The following PTPRT variants were observed in gnomAD, a reference collection of about 807,000 sequenced individuals.
PTPRT encodes the protein receptor-type tyrosine-protein phosphatase T.
A neutral mutation model predicts 176.8 loss-of-function variants in PTPRT; 56 were observed. That is an observed-to-expected ratio of 0.32 (90% CI 0.26 to 0.40). PTPRT has a LOEUF of 0.40. Ranked by LOEUF, PTPRT falls within the 10% of genes least tolerant of loss-of-function variation. PTPRT has a pLI of 1.00. For missense variants in PTPRT, 1,540 were observed against 1,908.2 expected (o/e 0.81, Z 3.60); for synonymous variants, 783 against 739.0 (o/e 1.06, Z -0.96).
chr20:42,713,126 TACATAC>T (rs923982429), intron 6 of PTPRT, among the ~76,000 whole-genome samples: 2 of 149,350 alleles, frequency 1.3e-5, no homozygotes. Flanking sequence ...TGGAAAGATA[TACATAC>T]ACATACACAC....
In PTPRT at chr20:42,904,582, G is replaced by C. The variant is rs543496996; in HGVS notation, c.89-18650C>G. On this transcript the variant is annotated intron_variant, in intron 1 of 30. Transcript: ENST00000373187. ...GAAAACAAGGTCTTGATACGGGAAG[G>C]GGGCAGGGAAGTGCTGGGAAGAGAA... Among the ~76,000 whole-genome samples the C allele has an allele frequency of 2.0e-5, 3 of 152,232 alleles. No individual in the cohort carries two copies. In the South Asian group the frequency reaches 6.2e-4, roughly 32 times the overall value.
intron 4 of PTPRT, among the ~76,000 whole-genome samples, chr20:42,778,908 T>C (rs979295921): frequency 2.6e-5 from 4 of 152,180 alleles, no homozygotes; most frequent in Non-Finnish European, 5.9e-5. Context: ...CCTCAGGAAG[T>C]AACCCAGAGG....
chr20:42,085,087 A>G (rs1983749950), intron 28 of PTPRT, among the ~76,000 whole-genome samples: 1 of 151,972 alleles, frequency 6.6e-6, no homozygotes, highest in Non-Finnish European at 1.5e-5. Flanking sequence ...TCAAAACCCA[A>G]TTTAAATGTC....
intron 1 of PTPRT, among the ~76,000 whole-genome samples, chr20:42,911,040 G>C (rs1193459359): frequency 6.6e-6 from 1 of 152,088 alleles, no homozygotes; most frequent in Non-Finnish European, 1.5e-5. Context: ...CAGCATGGGG[G>C]AAACTGCCCC....
intron 2 of PTPRT, among the ~76,000 whole-genome samples, chr20:42,794,986 A>T (rs948410815): frequency 6.6e-6 from 1 of 152,154 alleles, no homozygotes; most frequent in Non-Finnish European, 1.5e-5. Context: ...CAAGCGCGCC[A>T]CTAGAGATTG....
intron 7 of PTPRT, among the ~76,000 whole-genome samples, chr20:42,525,168 T>C (rs1042232266): frequency 6.6e-6 from 1 of 152,088 alleles, no homozygotes; most frequent in African/African-American, 2.4e-5. Flanking sequence ...TTTTTATTTT[T>C]GTAGAGAGGA....
intron 19 of PTPRT, among the ~76,000 whole-genome samples, chr20:42,127,853 T>C (rs1375143794): frequency 1.3e-5 from 2 of 152,236 alleles, no homozygotes; most frequent in Non-Finnish European, 2.9e-5. Flanking sequence ...TCCTTATTGG[T>C]TGTAGTTGTC....
At chr20:42,788,625 A>G (rs1173831324) in intron 3 of PTPRT, among the ~76,000 whole-genome samples, 1 of 152,152 alleles carries the variant, frequency 6.6e-6, no homozygotes, top group Admixed American at 6.5e-5. Context: ...TTGCCATTAT[A>G]TCTCATTATT....
At chr20:42,918,730 C>T (rs1452505211) in intron 1 of PTPRT, among the ~76,000 whole-genome samples, 1 of 152,134 alleles carries the variant, frequency 6.6e-6, no homozygotes, top group Non-Finnish European at 1.5e-5. Context: ...TTTGAGAGTT[C>T]AACCGTTTAT....
At chr20:42,325,192 C>T (rs1002431329) in intron 11 of PTPRT, among the ~76,000 whole-genome samples, 1 of 152,066 alleles carries the variant, frequency 6.6e-6, no homozygotes, top group Non-Finnish European at 1.5e-5. Flanking sequence ...CAGGGCAGTG[C>T]AAAGACTGAA....
At chr20:43,171,553 G>C (rs2015000919) in intron 1 of PTPRT, among the ~76,000 whole-genome samples, 1 of 152,162 alleles carries the variant, frequency 6.6e-6, no homozygotes, top group Admixed American at 6.5e-5. Context: ...GAGGAAAACT[G>C]ATCTCCAAAC....
At chr20:42,127,811 C>T (rs753968235) in intron 19 of PTPRT, among the ~76,000 whole-genome samples, 7 of 152,214 alleles carry the variant, frequency 4.6e-5, no homozygotes, top group Non-Finnish European at 8.8e-5. Flanking sequence ...GTCCCTTCCT[C>T]AGTCGTCTCT....
intron 7 of PTPRT, among the ~76,000 whole-genome samples, chr20:42,483,455 G>A (rs900616209): frequency 3.9e-5 from 6 of 152,200 alleles, no homozygotes; most frequent in East Asian, 1.9e-4. Context: ...ATGAGCCATC[G>A]TGTCCAGCCT....
chr20:42,172,598 C>T (rs1990126031), intron 16 of PTPRT, among the ~76,000 whole-genome samples: 1 of 152,192 alleles, frequency 6.6e-6, no homozygotes, highest in African/African-American at 2.4e-5. Flanking sequence ...ATAAACGGGT[C>T]TTAAATACCC....
At chr20:42,930,036 TG>T (rs1466381461) in intron 1 of PTPRT, among the ~76,000 whole-genome samples, 2 of 152,170 alleles carry the variant, frequency 1.3e-5, no homozygotes, top group African/African-American at 4.8e-5. Flanking sequence ...GCCATTCAAA[TG>T]CTTGGTTCCC....
rs548770612 is a variant in PTPRT at position 42,599,843 on chromosome 20, C to T, written c.1153+78023G>A. Among the ~76,000 whole-genome samples the T allele has an allele frequency of 8.4e-4, 128 of 152,290 alleles. 1 individual carries two copies. The highest frequency in any genetic ancestry group is 3.0e-3 in the African/African-American group (124 of 41,560). On this transcript the variant is annotated intron_variant, in intron 7 of 30. Transcript: ENST00000373187. ...ATTGCAAGACAGCCTTCCACAAACA[C>T]CACCCCTTGCACAGCTCAGGTTCTG...
At chr20:42,372,188 A>G (rs1041628598) in intron 9 of PTPRT, among the ~76,000 whole-genome samples, 2 of 152,134 alleles carry the variant, frequency 1.3e-5, no homozygotes, top group Non-Finnish European at 2.9e-5. Flanking sequence ...AAGGGAGACA[A>G]TTAAAGACAG....
chr20:42,387,759 C>T (rs1177393908), intron 9 of PTPRT, among the ~76,000 whole-genome samples: 4 of 151,268 alleles, frequency 2.6e-5, no homozygotes, highest in African/African-American at 9.7e-5. Context: ...GGTAAAGGAC[C>T]TCTAAAAGTT....
chr20:42,380,739 G>A (rs918548915), intron 9 of PTPRT, among the ~76,000 whole-genome samples: 10 of 152,188 alleles, frequency 6.6e-5, no homozygotes, highest in Non-Finnish European at 1.5e-4. Flanking sequence ...AGTAGGGTGT[G>A]TTTCTAATTC....
Sources: gnomAD v4.1 joint callset for allele counts (sites outside exome capture counted in the v4.1 genomes callset) on GRCh38, gnomAD v4.1.1 for gene constraint, MANE v1.5 for transcripts, NCBI Gene and HGNC (gene_info 2026-07-23, HGNC 2026-07-21) for gene names.